AP5Z1: variants seen among roughly 807,000 people sequenced by gnomAD.
AP5Z1 encodes the protein AP-5 complex subunit zeta-1.
Under a neutral mutation model 83.0 loss-of-function variants are expected in AP5Z1, and 106 were observed. The ratio of observed to expected loss-of-function variants is 1.28; its 90% CI spans 1.09 to 1.50. AP5Z1 has a LOEUF of 1.50. AP5Z1 is among the 40% of genes most tolerant of loss of function. The pLI, the probability that AP5Z1 is intolerant of heterozygous loss-of-function variation, is 0.00. For missense variants in AP5Z1, 1,565 were observed against 1,094.2 expected, an observed-to-expected ratio of 1.43 and a Z score of -6.07; for synonymous variants, 751 against 514.1, an observed-to-expected ratio of 1.46 and a Z score of -6.23.
At chr7:4,778,795 AATTATATGTTATAT>A (rs1781289796) in intron 1 of AP5Z1, among the ~76,000 whole-genome samples, 1 of 146,434 alleles carries the variant, frequency 6.8e-6, no homozygotes, top group Admixed American at 6.9e-5. Flanking sequence ...TATATAATAT[AATTATATGTTATAT>A]ATTATATGTT....
intron 10 of AP5Z1, 98 bp from the exon 11 acceptor site, chr7:4,787,535 TG>T: frequency 6.8e-7 from 1 of 1,467,286 alleles, no homozygotes; most frequent in Non-Finnish European, 9.0e-7. Flanking sequence ...TCCTGGGGAC[TG>T]CAGGTCTGGG....
chr7:4,784,288 A>C lies in AP5Z1; in HGVS notation c.707A>C (p.Gln236Pro). The C allele has an allele frequency of 6.3e-7, 1 of 1,592,184 alleles. No individual in the cohort carries two copies. Among genetic ancestry groups the C allele is most frequent in the East Asian group, 2.3e-5 (1 of 43,506 alleles). Residue 236 changes from glutamine to proline, a missense_variant, in exon 6 of 17, where the codon CAG becomes CCG. By Grantham distance (76) the Gln-to-Pro change is moderately conservative. Transcript: ENST00000649063. ...AGCGGCCACCGCTTCACAGACGACC[A>C]GTGGCTGAACGTGCAGGCCTTCTCT... ...LSSGHRFTDD[Q>P]WLNVQAFSML...
At chr7:4,777,466 C>T (rs1299010789) in intron 1 of AP5Z1, among the ~76,000 whole-genome samples, 1 of 152,110 alleles carries the variant, frequency 6.6e-6, no homozygotes, top group Non-Finnish European at 1.5e-5. Context: ...CAGTTCACTG[C>T]AACCTCCGCC....
chr7:4,789,006 G>A (rs1781655010), intron 13 of AP5Z1, 55 bp downstream of exon 13: 4 of 1,492,590 alleles, frequency 2.7e-6, no homozygotes, highest in South Asian at 2.4e-5. Context: ...CTGAGGGGCA[G>A]GCCAGAGCCA....
intron 5 of AP5Z1, 81 bp downstream of exon 5, chr7:4,783,879 C>G: frequency 2.1e-6 from 3 of 1,402,548 alleles, no homozygotes; most frequent in South Asian, 1.3e-5. Context: ...CCCACAGCGG[C>G]GAGGCCTGCT....
At chr7:4,790,209 C>T (rs1178569568) in intron 14 of AP5Z1, 6 of 1,549,942 alleles carry the variant, frequency 3.9e-6, no homozygotes, top group South Asian at 1.2e-5. Flanking sequence ...TCCTTCTCTC[C>T]AAAGGCCTGA....
rs2115133035 is a variant in AP5Z1 at position 4,791,862 on chromosome 7, G to C, written c.*477G>C. ...AGCTGCTGCCAGTCCTGGAGGCTCA[G>C]CCCGGCGTGCCACTGCTGCTACAGA... On this transcript the variant is annotated 3_prime_UTR_variant, in exon 17 of 17. Coordinates refer to ENST00000649063, the MANE Select transcript of AP5Z1 (RefSeq NM_014855.3). 1 of 160,118 alleles carries C rather than the reference G, an allele frequency of 6.2e-6. No individual in the cohort carries two copies. The highest frequency in any genetic ancestry group is 1.9e-4 in the East Asian group (1 of 5,392). 9.9% of individuals were successfully genotyped at this position (160,118 alleles called of 1,614,324 possible).
rs765691875 is a variant in AP5Z1 at position 4,785,648 on chromosome 7, G to T, written c.1096G>T (p.Val366Leu). ...GCGCGGGGACCCGGCCTCTGTGCGG[G>T]TGCTGCTGCCCCTCGCCCACTTCTT... The part of the protein sequence containing the change: ...RVRGDPASVR[V>L]LLPLAHFFLS... Residue 366 changes from valine to leucine, a missense_variant, in exon 9 of 17, where the codon GTG becomes TTG. By Grantham distance (32) the Val-to-Leu change is conservative. Coordinates refer to ENST00000649063, the MANE Select transcript of AP5Z1 (RefSeq NM_014855.3). 18 of 1,559,004 alleles carry T rather than the reference G, an allele frequency of 1.2e-5. No homozygotes were observed. Among genetic ancestry groups the T allele is most frequent in the African/African-American group, 2.7e-5 (2 of 74,074 alleles).
chr7:4,776,491 C>T (rs919590347), intron 1 of AP5Z1, among the ~76,000 whole-genome samples: 2 of 146,098 alleles, frequency 1.4e-5, no homozygotes, highest in African/African-American at 5.1e-5. Flanking sequence ...CCAAGGCAGG[C>T]GGATCACCTG....
Position 4,791,193 on chromosome 7 carries a change from G to A in AP5Z1, c.2232G>A (p.Ala744=), listed in dbSNP as rs534516510. ...GCTCCACGCACAGCGAGGAGGGCGC[G>A]GAAGCCATCCGTACCCGGGCCACAG... is the stretch of plus-strand genomic sequence containing the variant. The part of the protein sequence containing the change: ...ATSSTHSEEG[A]EAIRTRATEL... The change falls in exon 17 of 17, where the codon GCG becomes GCA. Residue 744 remains alanine, a synonymous_variant. Coordinates refer to ENST00000649063, the MANE Select transcript of AP5Z1 (RefSeq NM_014855.3). The A allele has an allele frequency of 2.1e-4, 332 of 1,612,582 alleles. No homozygotes were observed. Among genetic ancestry groups the A allele is most frequent in the South Asian group, 1.5e-3 (134 of 91,000 alleles).
chr7:4,775,810 C>T, intron 1 of AP5Z1, 54 bp downstream of exon 1: 1 of 1,588,202 alleles, frequency 6.3e-7, no homozygotes, highest in Non-Finnish European at 8.5e-7. Flanking sequence ...CCTAGGGGCA[C>T]ACGGGGGTGG....
rs1781495809 is a variant in AP5Z1 at position 4,785,013 on chromosome 7, A to C, written c.896A>C (p.Glu299Ala). The C allele has an allele frequency of 1.9e-6, 3 of 1,610,636 alleles. No individual in the cohort carries two copies. The highest frequency in any genetic ancestry group is 1.7e-5 in the Admixed American group (1 of 59,892). ...GAGCGGCTTCGGGAGGTGGCCTTCG[A>C]GTACTGCCAGCGCCTCATTGAGCAA... Reference protein sequence around the residue: ...PRERLREVAFEYCQRLIEQSN... With the variant: ...PRERLREVAFAYCQRLIEQSN... The change falls in exon 7 of 17, where the codon GAG becomes GCG. Residue 299 changes from glutamate (E) to alanine (A), a missense_variant. Coordinates refer to ENST00000649063, the MANE Select transcript of AP5Z1 (RefSeq NM_014855.3).
At chr7:4,780,600 TA>T (rs1277883104) in intron 1 of AP5Z1, among the ~76,000 whole-genome samples, 12 of 152,044 alleles carry the variant, frequency 7.9e-5, no homozygotes, top group Middle Eastern at 3.4e-3. Flanking sequence ...CTGTCTTTAC[TA>T]AAAAATACAA....
Position 4,785,587 on chromosome 7 carries a change from A to G in AP5Z1, c.1035A>G (p.Arg345=). 1 of 1,604,328 alleles carries G rather than the reference A, an allele frequency of 6.2e-7. No homozygotes were observed. The highest frequency in any genetic ancestry group is 1.1e-5 in the South Asian group (1 of 89,698). ...LCRQDPSFLY[R]SLSCLKALHG... ...GGCAGGACCCGTCCTTCCTGTACCG[A>G]AGTCTCTCCTGCCTGAAGGCCCTGC... is the stretch of plus-strand genomic sequence containing the variant. The change falls in exon 9 of 17, where the codon CGA becomes CGG. Residue 345 remains arginine (R), a synonymous_variant. Transcript: ENST00000649063.
chr7:4,788,385 A>T, intron 12 of AP5Z1, 91 bp downstream of exon 12: 1 of 1,407,602 alleles, frequency 7.1e-7, no homozygotes, highest in Non-Finnish European at 9.4e-7. Flanking sequence ...CCCTAGGCTG[A>T]GGCCAGGGTG....
intron 7 of AP5Z1, 39 bp downstream of exon 7, chr7:4,785,087 C>G (rs111990053): frequency 2.3e-5 from 36 of 1,555,946 alleles, no homozygotes; most frequent in African/African-American, 2.3e-4. Flanking sequence ...CCCCAGGGCT[C>G]GACGCACCTG....
intron 3 of AP5Z1, among the ~76,000 whole-genome samples, chr7:4,782,590 C>T (rs1200347309): frequency 6.6e-6 from 1 of 152,072 alleles, no homozygotes; most frequent in Admixed American, 6.6e-5. Context: ...TGGGCCCCGG[C>T]GTACTCAGGG....
chr7:4,785,364 G>A lies in AP5Z1; in HGVS notation c.932-51G>A, dbSNP rs764735470. 3.8e-6 allele frequency: 6 copies of A among 1,590,802 alleles called. No individual in the cohort carries two copies. In the Admixed American group the frequency reaches 5.1e-5, roughly 14 times the overall value. On this transcript the variant is annotated intron_variant, in intron 7 of 16. Coordinates refer to ENST00000649063, the MANE Select transcript of AP5Z1 (RefSeq NM_014855.3). ...CAGAGCACAAGCTGCCCCCTCATTG[G>A]GCCACTCTAAGGCTGAGACAGAGCC...
rs375314018 is a variant in AP5Z1 at position 4,783,283 on chromosome 7, AG to A, written c.367-32del. 23 of 1,565,512 alleles carry A rather than the reference AG, an allele frequency of 1.5e-5. No homozygotes were observed. The African/African-American group carries it at 2.7e-4, about 18-fold the overall frequency. ...GGGGAGCTGGTCTCTGGCACAGGCC[AG>A]TACCCCAGCGTTTGCCCTGTTTGAT... On this transcript the variant is annotated intron_variant, in intron 3 of 16. Transcript: ENST00000649063.
Sources: gnomAD v4.1 joint callset for allele counts (sites outside exome capture counted in the v4.1 genomes callset) on GRCh38, gnomAD v4.1.1 for gene constraint, MANE v1.5 for transcripts, NCBI Gene and HGNC (gene_info 2026-07-23, HGNC 2026-07-21) for gene names.